The following TGS1 variants were observed in gnomAD, a reference collection of about 807,000 sequenced individuals.
TGS1 encodes the protein trimethylguanosine synthase 1.
TGS1 carries 69 observed loss-of-function variants against 92.2 expected under a neutral mutation model. That is an observed-to-expected ratio of 0.75 (90% CI 0.62 to 0.91). TGS1 has a LOEUF of 0.91. TGS1 is among the 40% of genes least tolerant of loss of function. The pLI is 0.00. For synonymous variants in TGS1, 345 were observed against 338.1 expected, an observed-to-expected ratio of 1.02 and a Z score of -0.22; for missense variants, 1,062 against 1,001.2, an observed-to-expected ratio of 1.06 and a Z score of -0.82.
At chr8:55,822,726 A>G (rs928988847) in intron 12 of TGS1, among the ~76,000 whole-genome samples, 16 of 152,164 alleles carry the variant, frequency 1.1e-4, no homozygotes, top group Non-Finnish European at 1.8e-4. Flanking sequence ...GGTGCTTTTA[A>G]TCATTATAAG....
At chr8:55,803,593 A>G (rs1812281138) in intron 9 of TGS1, among the ~76,000 whole-genome samples, 1 of 152,150 alleles carries the variant, frequency 6.6e-6, no homozygotes. Flanking sequence ...AGTATTGAAG[A>G]GCCATTTAAA....
At chr8:55,816,353 C>T (rs1803477304) in intron 12 of TGS1, among the ~76,000 whole-genome samples, 1 of 152,172 alleles carries the variant, frequency 6.6e-6, no homozygotes, top group Non-Finnish European at 1.5e-5. Flanking sequence ...TTATCAAACA[C>T]CACCTTTGTG....
intron 2 of TGS1, among the ~76,000 whole-genome samples, chr8:55,784,059 C>A (rs1033479856): frequency 2.0e-5 from 3 of 152,162 alleles, no homozygotes; most frequent in Non-Finnish European, 4.4e-5. Flanking sequence ...CAAGAGATTT[C>A]TCTTTATCAG....
intron 12 of TGS1, among the ~76,000 whole-genome samples, chr8:55,813,333 G>A (rs1803387379): frequency 1.3e-5 from 2 of 152,164 alleles, no homozygotes; most frequent in Non-Finnish European, 2.9e-5. Context: ...CACAAATAGA[G>A]CACTCTAGGC....
intron 1 of TGS1, among the ~76,000 whole-genome samples, chr8:55,777,932 G>T (rs1408030691): frequency 6.6e-6 from 1 of 151,048 alleles, no homozygotes; most frequent in Non-Finnish European, 1.5e-5. Context: ...AAGCCTTCTA[G>T]CAGCCCCCTG....
At position 55,786,876 on chromosome 8, in the gene TGS1, G is replaced by C. The variant is rs369761488; in HGVS notation, c.978G>C (p.Leu326=). 43 of 1,614,174 alleles carry C rather than the reference G, an allele frequency of 2.7e-5. No individual in the cohort carries two copies. The Admixed American group carries it at 3.8e-4, about 14-fold the overall frequency. Residue 326 remains leucine, a synonymous_variant, in exon 4 of 13, where the codon CTG becomes CTC. Transcript: ENST00000260129. The part of the protein sequence containing the change: ...EILDGISNIK[L]NSEEVTQSQL... Reference sequence around the variant, plus strand: ...TTGATGGAATTAGTAACATAAAACTGAATTCAGAGGAAGTAACACAGAGCC... The same window carrying C: ...TTGATGGAATTAGTAACATAAAACTCAATTCAGAGGAAGTAACACAGAGCC...
chr8:55,780,750 G>T (rs1035488012), intron 1 of TGS1, among the ~76,000 whole-genome samples: 1 of 152,094 alleles, frequency 6.6e-6, no homozygotes, highest in Non-Finnish European at 1.5e-5. Context: ...TGTAAGGAGC[G>T]CTTTCCCTTC....
intron 8 of TGS1, among the ~76,000 whole-genome samples, chr8:55,800,650 T>G (rs1003835132): frequency 3.3e-5 from 5 of 152,210 alleles, no homozygotes; most frequent in South Asian, 2.1e-4. Context: ...TACAGGATGG[T>G]CTTGCACAAC....
In TGS1 at chr8:55,786,376, A is replaced by G. The variant is rs3213971; in HGVS notation, c.478A>G (p.Ile160Val). ...TTTGGCTTCAGATGATCCATCTTCA[A>G]TTGAACAGTATGAGAACACCAGAAC... is the stretch of plus-strand genomic sequence containing the variant. Reference protein sequence around the residue: ...DILASDDPSSIEQYENTRTYE... With the variant: ...DILASDDPSSVEQYENTRTYE... The change falls in exon 4 of 13, where the codon ATT (isoleucine) becomes GTT (valine). Residue 160 changes from isoleucine (I) to valine (V), a missense_variant. Ile to Val is a conservative substitution (Grantham distance 29). Coordinates refer to ENST00000260129, the MANE Select transcript of TGS1 (RefSeq NM_024831.8). The G allele has an allele frequency of 5.1e-3, 8,188 of 1,613,694 alleles. 153 individuals are homozygous for G. In the African/African-American group the frequency reaches 0.052, roughly 10 times the overall value.
In TGS1 at chr8:55,824,987, T is replaced by A. The variant is rs1246726311; in HGVS notation, c.*284T>A. On this transcript the variant is annotated 3_prime_UTR_variant, in exon 13 of 13. Transcript: ENST00000260129. ...CCCAGGCTGGAGTGCAGTGCCATGA[T>A]CACAGCTCACTGCAGGTTCAGCCTT... 1.1e-5 allele frequency: 3 copies of A among 270,288 alleles called. No homozygotes were observed. The highest frequency in any genetic ancestry group is 2.1e-5 in the Non-Finnish European group (3 of 141,478). The allele number at this position is 270,288 out of a possible 1,614,324, so 16.7% of individuals were successfully genotyped here. A position where few individuals can be genotyped will look rare whatever the true frequency, so the allele number is the denominator to read the frequency against.
intron 7 of TGS1, among the ~76,000 whole-genome samples, chr8:55,798,402 AT>A (rs1308719972): frequency 6.6e-6 from 1 of 152,136 alleles, no homozygotes; most frequent in Admixed American, 6.5e-5. Flanking sequence ...GGCAACTTTG[AT>A]TTTTTTCCAA....
chr8:55,804,270 G>A (rs1346178172), intron 9 of TGS1, among the ~76,000 whole-genome samples: 1 of 152,128 alleles, frequency 6.6e-6, no homozygotes, highest in Non-Finnish European at 1.5e-5. Context: ...GCAAAACTCT[G>A]TCTCTCCTAA....
Position 55,810,861 on chromosome 8 carries a change from T to G in TGS1, c.2144-20T>G, listed in dbSNP as rs777421062. On this transcript the variant is annotated intron_variant, in intron 10 of 12. Transcript: ENST00000260129. ...ATAATCAGTGTCAATTAACTCATTT[T>G]TTTCTTTTCCCACTTTTAGTGATTG... is the stretch of plus-strand genomic sequence containing the variant. The G allele has an allele frequency of 2.5e-6, 4 of 1,599,826 alleles. No homozygotes were observed. In the African/African-American group the frequency reaches 4.0e-5, roughly 16 times the overall value.
chr8:55,815,074 C>T (rs1485352115), intron 12 of TGS1, among the ~76,000 whole-genome samples: 2 of 152,134 alleles, frequency 1.3e-5, no homozygotes, highest in African/African-American at 2.4e-5. Flanking sequence ...TAAATGTAGA[C>T]AGCCTCATTT....
intron 4 of TGS1, among the ~76,000 whole-genome samples, chr8:55,787,295 A>G (rs1811747844): frequency 6.6e-6 from 1 of 152,216 alleles, no homozygotes; most frequent in Admixed American, 6.5e-5. Context: ...TTGGTGGCTA[A>G]TGAAGGAAAA....
At chr8:55,815,922 A>T (rs927283444) in intron 12 of TGS1, among the ~76,000 whole-genome samples, 1 of 112,110 alleles carries the variant, frequency 8.9e-6, no homozygotes, top group East Asian at 2.0e-4. Context: ...ACTAATTTTT[A>T]TTTATTTATT....
At chr8:55,773,829 C>A in intron 1 of TGS1, 110 bp downstream of exon 1, 1 of 836,828 alleles carries the variant, frequency 1.2e-6, no homozygotes, top group Non-Finnish European at 1.9e-6. Context: ...AACATCTGAC[C>A]CTTGGGCACG....
Position 55,824,797 on chromosome 8 carries a change from A to G in TGS1, c.*94A>G. Reference sequence around the variant, plus strand: ...CTTCCTTTATTCACTGATATTTTCTACCCATGGTCTTATATCACCGTATGA... The same window carrying G: ...CTTCCTTTATTCACTGATATTTTCTGCCCATGGTCTTATATCACCGTATGA... On this transcript the variant is annotated 3_prime_UTR_variant, in exon 13 of 13. Transcript: ENST00000260129. 1 of 1,452,642 alleles carries G rather than the reference A, an allele frequency of 6.9e-7. No individual in the cohort carries two copies. The highest frequency in any genetic ancestry group is 1.9e-5 in the Admixed American group (1 of 51,802). 90.0% of individuals were successfully genotyped at this position (1,452,642 alleles called of 1,614,324 possible).
At chr8:55,821,722 A>C (rs1803641480) in intron 12 of TGS1, among the ~76,000 whole-genome samples, 1 of 151,728 alleles carries the variant, frequency 6.6e-6, no homozygotes, top group Non-Finnish European at 1.5e-5. Flanking sequence ...AAATACAAAA[A>C]ATTAGCCGGG....
Sources: gnomAD v4.1 joint callset for allele counts (sites outside exome capture counted in the v4.1 genomes callset) on GRCh38, gnomAD v4.1.1 for gene constraint, MANE v1.5 for transcripts, NCBI Gene and HGNC (gene_info 2026-07-23, HGNC 2026-07-21) for gene names.